The following CCDC171 variants were observed in gnomAD, a reference collection of about 807,000 sequenced individuals.
CCDC171 encodes the protein coiled-coil domain containing 171, also known as coiled-coil domain-containing protein 171.
CCDC171 carries 177 observed loss-of-function variants against 168.2 expected under a neutral mutation model. That is an observed-to-expected ratio of 1.05 (90% confidence interval 0.93 to 1.19). CCDC171 has a LOEUF of 1.19. Among genes scored for constraint, CCDC171 ranks in the 50% most tolerant of loss-of-function variants. The pLI is 0.00. For missense variants in CCDC171, 1,991 were observed against 1,539.0 expected (o/e 1.29, Z -4.91); for synonymous variants, 687 against 540.8 (o/e 1.27, Z -3.75).
chr9:15,832,086 A>C (rs756510314), intron 21 of CCDC171, among the ~76,000 whole-genome samples: 2 of 152,112 alleles, frequency 1.3e-5, no homozygotes, highest in Non-Finnish European at 2.9e-5. Flanking sequence ...TTTTCAACTC[A>C]ATCAACTTTT....
At chr9:15,650,142 T>C (rs990833608) in intron 7 of CCDC171, among the ~76,000 whole-genome samples, 4 of 152,052 alleles carry the variant, frequency 2.6e-5, no homozygotes, top group East Asian at 1.9e-4. Flanking sequence ...AGCAAACTAT[T>C]GCAAGGACAA....
chr9:15,771,746 A>G (rs1443817266), intron 18 of CCDC171, among the ~76,000 whole-genome samples: 2 of 152,236 alleles, frequency 1.3e-5, no homozygotes, highest in Non-Finnish European at 2.9e-5. Context: ...CTTTCGATAC[A>G]TTAAATCTTG....
intron 6 of CCDC171, among the ~76,000 whole-genome samples, chr9:15,598,908 C>A (rs141789501): frequency 0.016 from 2,401 of 152,036 alleles, 43 homozygotes; most frequent in Non-Finnish European, 0.024. Context: ...ATGTAATGGC[C>A]TTCTTTGTCT....
chr9:15,604,892 T>C (rs1407486309), intron 6 of CCDC171, among the ~76,000 whole-genome samples: 1 of 152,074 alleles, frequency 6.6e-6, no homozygotes, highest in Non-Finnish European at 1.5e-5. Flanking sequence ...GGATGCAAAA[T>C]ATTAGGAATA....
chr9:15,647,096 C>G (rs1362557452), intron 7 of CCDC171, among the ~76,000 whole-genome samples: 3 of 152,186 alleles, frequency 2.0e-5, no homozygotes, highest in Admixed American at 2.0e-4. Context: ...GATTAAGAAA[C>G]TCACTCAAAA....
At chr9:15,832,130 C>G (rs1224991333) in intron 21 of CCDC171, among the ~76,000 whole-genome samples, 1 of 152,040 alleles carries the variant, frequency 6.6e-6, no homozygotes, top group Non-Finnish European at 1.5e-5. Context: ...GTTTTAAAGT[C>G]AAGTCTATAA....
chr9:15,945,001 A>G (rs1179141230), intron 25 of CCDC171, among the ~76,000 whole-genome samples: 7 of 151,940 alleles, frequency 4.6e-5, no homozygotes, highest in Non-Finnish European at 8.8e-5. Flanking sequence ...ATCTAGCATT[A>G]GGTATATCTC....
chr9:15,735,058 A>G lies in CCDC171; in HGVS notation c.2049+5260A>G, dbSNP rs1426854204. Among the ~76,000 whole-genome samples the G allele has an allele frequency of 2.0e-5, 3 of 152,234 alleles. No individual in the cohort carries two copies. The East Asian group carries it at 5.8e-4, about 29-fold the overall frequency. ...GCTTTTATCTGAAAAAATGTAGTAGATGTTAGAAAAGTAGTGTTTGTAAGA... is the reference window on the plus strand; with the variant it reads ...GCTTTTATCTGAAAAAATGTAGTAGGTGTTAGAAAAGTAGTGTTTGTAAGA... On this transcript the variant is annotated intron_variant, in intron 16 of 25. Coordinates refer to ENST00000380701, the MANE Select transcript of CCDC171 (RefSeq NM_173550.4).
At chr9:15,826,357 T>C (rs544689790) in intron 21 of CCDC171, among the ~76,000 whole-genome samples, 1 of 152,220 alleles carries the variant, frequency 6.6e-6, no homozygotes, top group African/African-American at 2.4e-5. Flanking sequence ...CATGGAAGAT[T>C]ATATTTTCCA....
chr9:15,662,547 T>G (rs2048394991), intron 8 of CCDC171, among the ~76,000 whole-genome samples: 1 of 152,192 alleles, frequency 6.6e-6, no homozygotes. Context: ...ATATACCATA[T>G]TATTTCGCAG....
intron 18 of CCDC171, among the ~76,000 whole-genome samples, chr9:15,764,598 T>G (rs1263133016): frequency 6.6e-6 from 1 of 152,076 alleles, no homozygotes. Context: ...AAGGAACAAG[T>G]AGGAAGAGAA....
At position 15,889,385 on chromosome 9, in the gene CCDC171, A is replaced by G. The variant is rs542242914; in HGVS notation, c.3600+14722A>G. On this transcript the variant is annotated intron_variant, in intron 24 of 25. Transcript: ENST00000380701. Reference sequence around the variant, plus strand: ...ACTGTTGTTTCCATGCATTGTGTCAATGCAATCAAACAAAGGTTTTTTGCT... The same window carrying G: ...ACTGTTGTTTCCATGCATTGTGTCAGTGCAATCAAACAAAGGTTTTTTGCT... Among the ~76,000 whole-genome samples the G allele has an allele frequency of 9.2e-4, 140 of 152,292 alleles. 1 individual carries two copies. Among genetic ancestry groups the G allele is most frequent in the African/African-American group, 2.5e-3 (104 of 41,574 alleles).
intron 7 of CCDC171, among the ~76,000 whole-genome samples, chr9:15,650,009 A>G (rs1338727372): frequency 6.6e-6 from 1 of 152,266 alleles, no homozygotes; most frequent in East Asian, 1.9e-4. Context: ...CAAATGTCCA[A>G]CCATGATAGA....
In CCDC171 at chr9:15,808,677, G is replaced by A. The variant is rs186330006; in HGVS notation, c.3267+23983G>A. Among the ~76,000 whole-genome samples, 340 of 152,312 alleles carry A rather than the reference G, an allele frequency of 2.2e-3. 1 individual carries two copies. Among genetic ancestry groups the A allele is most frequent in the Non-Finnish European group, 3.2e-3 (215 of 68,026 alleles). The stretch of plus-strand genomic sequence containing the variant: ...AAGGTTAGGATATCACAGGCGTGAA[G>A]TTGGAGTATGGAATGGAATTGAGCA... On this transcript the variant is annotated intron_variant, in intron 21 of 25. Coordinates refer to ENST00000380701, the MANE Select transcript of CCDC171 (RefSeq NM_173550.4).
At chr9:15,872,359 T>C (rs1321887332) in intron 23 of CCDC171, among the ~76,000 whole-genome samples, 1 of 152,044 alleles carries the variant, frequency 6.6e-6, no homozygotes, top group Non-Finnish European at 1.5e-5. Context: ...AAAGTTTATT[T>C]AGAGAATATA....
intron 25 of CCDC171, among the ~76,000 whole-genome samples, chr9:15,928,302 G>A (rs914536587): frequency 1.1e-4 from 17 of 151,652 alleles, no homozygotes; most frequent in Admixed American, 5.9e-4. Context: ...GGCCTGCCTG[G>A]GGAATTGAAA....
Position 15,691,546 on chromosome 9 carries a change from T to TTATATATATATATATA in CCDC171, c.1216-3679_1216-3664dup, listed in dbSNP as rs55892512. The stretch of plus-strand genomic sequence containing the variant: ...AAAAATACCTGTAAATATATGTTTT[T>TTATATATATATATATA]TATATATATATATATATATATATAT... On this transcript the variant is annotated intron_variant, in intron 10 of 25. Transcript: ENST00000380701. 4.9e-4 allele frequency among the ~76,000 whole-genome samples: 52 copies of TTATATATATATATATA among 106,336 alleles called. 1 individual carries two copies. Among genetic ancestry groups the TTATATATATATATATA allele is most frequent in the African/African-American group, 1.2e-3 (30 of 25,610 alleles). 69.8% of individuals were successfully genotyped at this position (106,336 alleles called of 152,430 possible).
chr9:16,079,275 C>T, the CCDC171 span, among the ~76,000 whole-genome samples: 13 of 152,186 alleles, frequency 8.5e-5, no homozygotes, highest in Non-Finnish European at 5.9e-5. Flanking sequence ...GTATCCATCC[C>T]CAGCTCCAAT....
chr9:15,738,961 A>G (rs2054668831), intron 16 of CCDC171, among the ~76,000 whole-genome samples: 2 of 152,228 alleles, frequency 1.3e-5, no homozygotes, highest in African/African-American at 4.8e-5. Context: ...AATTCCTTCA[A>G]TATTTATTAA....
Sources: allele counts gnomAD v4.1 joint callset (sites outside exome capture counted in the v4.1 genomes callset), GRCh38; gene constraint gnomAD v4.1.1; transcripts MANE v1.5; gene names NCBI Gene and HGNC (gene_info 2026-07-23, HGNC 2026-07-21).